Variants in PRKAR2A observed in about 807,000 individuals in gnomAD.
PRKAR2A encodes the protein cAMP-dependent protein kinase type II-alpha regulatory subunit.
A neutral mutation model predicts 51.9 loss-of-function variants in PRKAR2A; 29 were observed. That is an observed-to-expected ratio of 0.56 (90% CI 0.42 to 0.76). The LOEUF (loss-of-function observed/expected upper bound fraction) is 0.76, where lower values mean the gene tolerates loss of function less well. PRKAR2A is among the 30% of genes least tolerant of loss of function. PRKAR2A has a pLI of 0.00. For synonymous variants in PRKAR2A, 178 were observed against 186.2 expected, an observed-to-expected ratio of 0.96 and a Z score of 0.36; for missense variants, 445 against 512.1, an observed-to-expected ratio of 0.87 and a Z score of 1.26.
At chr3:48,770,115 ACT>A (rs1236023265) in intron 6 of PRKAR2A, among the ~76,000 whole-genome samples, 5 of 151,538 alleles carry the variant, frequency 3.3e-5, no homozygotes, top group East Asian at 1.9e-4. Flanking sequence ...ACTTCCCAAA[ACT>A]CTCTTTTCAT....
chr3:48,814,032 G>A (rs1392681723), intron 1 of PRKAR2A, among the ~76,000 whole-genome samples: 1 of 152,094 alleles, frequency 6.6e-6, no homozygotes, highest in African/African-American at 2.4e-5. Flanking sequence ...GGTGGGTCAC[G>A]AGGTCAAGAG....
chr3:48,812,036 G>C (rs2082779357), intron 1 of PRKAR2A, among the ~76,000 whole-genome samples: 1 of 151,908 alleles, frequency 6.6e-6, no homozygotes, highest in Non-Finnish European at 1.5e-5. Flanking sequence ...TCAAAGTGTG[G>C]TGATAGCTGT....
chr3:48,788,280 C>T (rs902297021), intron 4 of PRKAR2A, among the ~76,000 whole-genome samples: 4 of 152,136 alleles, frequency 2.6e-5, no homozygotes, highest in Non-Finnish European at 5.9e-5. Context: ...CCGCCCACTT[C>T]GGCCTCCCAA....
chr3:48,776,461 A>G (rs981202263), intron 5 of PRKAR2A, among the ~76,000 whole-genome samples: 3 of 152,186 alleles, frequency 2.0e-5, no homozygotes, highest in African/African-American at 7.2e-5. Context: ...ACATGTTTCT[A>G]TATATATCAT....
intron 2 of PRKAR2A, among the ~76,000 whole-genome samples, chr3:48,807,174 C>A (rs2082686952): frequency 6.6e-6 from 1 of 152,078 alleles, no homozygotes; most frequent in African/African-American, 2.4e-5. Flanking sequence ...GGAAAAGAGG[C>A]AGGTACAGGG....
At chr3:48,789,935 TTC>T (rs993641003) in intron 4 of PRKAR2A, among the ~76,000 whole-genome samples, 2 of 152,024 alleles carry the variant, frequency 1.3e-5, no homozygotes, top group African/African-American at 4.8e-5. Context: ...TTTCTTTCTT[TTC>T]TCTCTCTCTT....
chr3:48,834,492 T>C (rs1028810567), intron 1 of PRKAR2A, among the ~76,000 whole-genome samples: 5 of 152,122 alleles, frequency 3.3e-5, no homozygotes, highest in African/African-American at 4.8e-5. Context: ...CCCAACACTT[T>C]GGAAGGCTGA....
At chr3:48,820,367 G>A (rs921697628) in intron 1 of PRKAR2A, among the ~76,000 whole-genome samples, 1 of 152,154 alleles carries the variant, frequency 6.6e-6, no homozygotes, top group African/African-American at 2.4e-5. Flanking sequence ...GAATGGTAAC[G>A]GGAATGGAGA....
At chr3:48,815,160 T>C (rs9799006) in intron 1 of PRKAR2A, among the ~76,000 whole-genome samples, 3 of 152,008 alleles carry the variant, frequency 2.0e-5, no homozygotes, top group Non-Finnish European at 2.9e-5. Flanking sequence ...GTGATCTGCC[T>C]GCCTCGGCCT....
chr3:48,794,075 A>G lies in PRKAR2A; in HGVS notation c.299-26T>C, dbSNP rs560409479. The G allele has an allele frequency of 1.1e-4, 165 of 1,551,254 alleles. 1 individual carries two copies. The South Asian group carries it at 1.6e-3, about 15-fold the overall frequency. On this transcript the variant is annotated intron_variant, in intron 2 of 10. Transcript: ENST00000265563. The stretch of plus-strand genomic sequence containing the variant: ...CTAAAATTGGAGAGAAAAAAACAAA[A>G]AGAATGAATTTAACAGATGTGTGGC...
intron 1 of PRKAR2A, among the ~76,000 whole-genome samples, chr3:48,834,727 A>G (rs1186418570): frequency 7.2e-6 from 1 of 139,276 alleles, no homozygotes; most frequent in Admixed American, 7.1e-5. Context: ...CTGTCTCAAG[A>G]AAAAAAAAAA....
At chr3:48,757,832 G>A (rs1656654602) in intron 8 of PRKAR2A, among the ~76,000 whole-genome samples, 1 of 151,856 alleles carries the variant, frequency 6.6e-6, no homozygotes, top group South Asian at 2.1e-4. Flanking sequence ...GAGGTGAGTG[G>A]ATCACCTGAG....
At position 48,847,296 on chromosome 3, in the gene PRKAR2A, C is replaced by T. The variant is rs372971975; in HGVS notation, c.262+39G>A. On this transcript the variant is annotated intron_variant, in intron 1 of 10. Transcript: ENST00000265563. This position sits in a 1 kb window ranked among gnomAD's most constrained non-coding sequence, Gnocchi z 4.4. ...TGCCACCCCTCTAGACCTCTGGAGACCTCCTGCACCACTCCCCAGGGCCCC... is the reference window on the plus strand; with the variant it reads ...TGCCACCCCTCTAGACCTCTGGAGATCTCCTGCACCACTCCCCAGGGCCCC... 1.4e-5 allele frequency: 23 copies of T among 1,607,990 alleles called. No homozygotes were observed. The African/African-American group carries it at 2.8e-4, about 20-fold the overall frequency.
chr3:48,787,127 G>GA (rs1575877774), intron 4 of PRKAR2A, among the ~76,000 whole-genome samples: 1 of 151,574 alleles, frequency 6.6e-6, no homozygotes, highest in Non-Finnish European at 1.5e-5. Flanking sequence ...TCCTCTACCA[G>GA]AAAAAAGACA....
At chr3:48,835,570 G>A (rs986229674) in intron 1 of PRKAR2A, among the ~76,000 whole-genome samples, 1 of 150,448 alleles carries the variant, frequency 6.6e-6, no homozygotes, top group Non-Finnish European at 1.5e-5. Flanking sequence ...GACCCAGGAG[G>A]CAGAACTTGC....
At chr3:48,769,075 G>A (rs1195291160) in intron 6 of PRKAR2A, among the ~76,000 whole-genome samples, 2 of 151,748 alleles carry the variant, frequency 1.3e-5, no homozygotes, top group Non-Finnish European at 2.9e-5. Flanking sequence ...ACTCCAGCCT[G>A]GATGACAGAG....
At chr3:48,819,587 T>A (rs2082927969) in intron 1 of PRKAR2A, among the ~76,000 whole-genome samples, 1 of 152,184 alleles carries the variant, frequency 6.6e-6, no homozygotes, top group African/African-American at 2.4e-5. Context: ...TGAAATAAAT[T>A]CCACCATTCC....
chr3:48,757,979 C>T (rs2081798392), intron 8 of PRKAR2A, among the ~76,000 whole-genome samples: 1 of 151,978 alleles, frequency 6.6e-6, no homozygotes, highest in South Asian at 2.1e-4. Flanking sequence ...TAGCTTGAAC[C>T]CGGGAGGCAG....
chr3:48,844,020 A>T (rs1414948804), intron 1 of PRKAR2A, among the ~76,000 whole-genome samples: 1 of 149,770 alleles, frequency 6.7e-6, no homozygotes, highest in Non-Finnish European at 1.5e-5. Context: ...TCTGCACAGC[A>T]AAAGAAACTA....
Sources: allele counts gnomAD v4.1 joint callset (sites outside exome capture counted in the v4.1 genomes callset), GRCh38; gene constraint gnomAD v4.1.1; non-coding constraint Gnocchi (gnomAD v3.1); transcripts MANE v1.5; gene names NCBI Gene and HGNC (gene_info 2026-07-23, HGNC 2026-07-21).